SHISA9: variants seen among roughly 807,000 people sequenced by gnomAD.
SHISA9 encodes shisa family member 9.
In SHISA9, 13 loss-of-function variants were observed where a neutral mutation model predicts 38.0. That is an observed-to-expected ratio of 0.34 (90% CI 0.22 to 0.54). The LOEUF (loss-of-function observed/expected upper bound fraction) is 0.54, where lower values mean the gene tolerates loss of function less well. Among genes scored for constraint, SHISA9 ranks in the 20% least tolerant of loss-of-function variants. The probability of loss-of-function intolerance (pLI) is 0.91; values close to 1 mark genes in which losing one functional copy is unlikely to be tolerated. For missense variants in SHISA9, 538 were observed against 575.8 expected (o/e 0.93, Z 0.67); for synonymous variants, 275 against 242.0 (o/e 1.14, Z -1.27).
chr16:12,985,633 T>C (rs942269285), intron 2 of SHISA9, among the ~76,000 whole-genome samples: 2 of 152,222 alleles, frequency 1.3e-5, no homozygotes, highest in Non-Finnish European at 2.9e-5. Flanking sequence ...CATGCTAAGA[T>C]GTCATCATTT....
At chr16:13,462,172 G>C in the SHISA9 span, among the ~76,000 whole-genome samples, 1 of 151,894 alleles carries the variant, frequency 6.6e-6, no homozygotes, top group Non-Finnish European at 1.5e-5. Flanking sequence ...TCAAGAGCCT[G>C]AGGTGGGAGG....
At chr16:13,166,507 C>T (rs945490543) in intron 2 of SHISA9, among the ~76,000 whole-genome samples, 1 of 152,218 alleles carries the variant, frequency 6.6e-6, no homozygotes, top group Non-Finnish European at 1.5e-5. Context: ...TCTCTCTATT[C>T]CCTCTGCACC....
the SHISA9 span, among the ~76,000 whole-genome samples, chr16:13,524,514 G>A: frequency 2.6e-4 from 40 of 152,286 alleles, no homozygotes; most frequent in South Asian, 7.9e-3. Context: ...AGATTAATTA[G>A]TTCAGTGTAG....
the SHISA9 span, among the ~76,000 whole-genome samples, chr16:13,425,779 C>G: frequency 6.6e-6 from 1 of 152,212 alleles, no homozygotes; most frequent in African/African-American, 2.4e-5. Context: ...ATGGATTTTG[C>G]ACTACCTTGG....
chr16:13,135,194 A>T (rs2050338513), intron 2 of SHISA9, among the ~76,000 whole-genome samples: 1 of 152,232 alleles, frequency 6.6e-6, no homozygotes, highest in South Asian at 2.1e-4. Context: ...ACAGGATATC[A>T]TGATCAGATC....
chr16:13,157,174 A>G (rs759995348), intron 2 of SHISA9, among the ~76,000 whole-genome samples: 1 of 152,004 alleles, frequency 6.6e-6, no homozygotes, highest in Non-Finnish European at 1.5e-5. Flanking sequence ...CCATCCATCC[A>G]TCCATCCATC....
At chr16:13,262,439 C>T in the SHISA9 span, among the ~76,000 whole-genome samples, 2 of 152,194 alleles carry the variant, frequency 1.3e-5, no homozygotes, top group Non-Finnish European at 2.9e-5. Context: ...GCTTTCGCTG[C>T]ACTCTGTCTA....
chr16:13,301,600 G>A, the SHISA9 span, among the ~76,000 whole-genome samples: 73 of 152,248 alleles, frequency 4.8e-4, no homozygotes, highest in Non-Finnish European at 7.1e-4. Context: ...AAGCACCTGT[G>A]GTTTTATAGA....
At chr16:13,037,052 G>T (rs2073076165) in intron 2 of SHISA9, among the ~76,000 whole-genome samples, 1 of 145,268 alleles carries the variant, frequency 6.9e-6, no homozygotes, top group African/African-American at 2.7e-5. Context: ...GGAAAGCAGG[G>T]AATGATCACA....
intron 2 of SHISA9, among the ~76,000 whole-genome samples, chr16:13,112,174 G>T (rs2073985209): frequency 6.6e-6 from 1 of 152,244 alleles, no homozygotes; most frequent in Middle Eastern, 3.4e-3. Flanking sequence ...TCAGAAAAAG[G>T]CCTGAGGACT....
intron 2 of SHISA9, among the ~76,000 whole-genome samples, chr16:13,029,343 C>T (rs553836633): frequency 3.2e-4 from 48 of 149,946 alleles, no homozygotes; most frequent in African/African-American, 8.4e-4. Context: ...CGGTGGCTTA[C>T]GCCTGTAATC....
intron 2 of SHISA9, among the ~76,000 whole-genome samples, chr16:13,175,266 G>A (rs1435693979): frequency 1.3e-5 from 2 of 152,166 alleles, no homozygotes; most frequent in Non-Finnish European, 2.9e-5. Context: ...GCACATGCCT[G>A]TGGTCCCAGC....
At chr16:13,284,038 G>A in the SHISA9 span, among the ~76,000 whole-genome samples, 1 of 152,120 alleles carries the variant, frequency 6.6e-6, no homozygotes, top group Non-Finnish European at 1.5e-5. Flanking sequence ...TCCTTTTGAT[G>A]CCTTCATTAA....
chr16:13,074,631 C>G (rs1173548788), intron 2 of SHISA9, among the ~76,000 whole-genome samples: 1 of 151,490 alleles, frequency 6.6e-6, no homozygotes, highest in Non-Finnish European at 1.5e-5. Context: ...ATCATCATTA[C>G]TATTATTTTT....
the SHISA9 span, among the ~76,000 whole-genome samples, chr16:13,270,844 G>T: frequency 6.6e-6 from 1 of 152,154 alleles, no homozygotes; most frequent in African/African-American, 2.4e-5. Context: ...AGTCATAAAA[G>T]TAGACTCTGA....
the SHISA9 span, among the ~76,000 whole-genome samples, chr16:13,336,773 T>C: frequency 6.6e-6 from 1 of 152,190 alleles, no homozygotes. Flanking sequence ...CATTGCTTTG[T>C]CCATTCTAGA....
the SHISA9 span, among the ~76,000 whole-genome samples, chr16:13,248,481 T>C: frequency 6.6e-6 from 1 of 152,134 alleles, no homozygotes. Context: ...CAGATAACCT[T>C]GGATTTGAGT....
At chr16:13,309,783 A>G in the SHISA9 span, among the ~76,000 whole-genome samples, 1 of 152,190 alleles carries the variant, frequency 6.6e-6, no homozygotes, top group African/African-American at 2.4e-5. Flanking sequence ...TCATGACCAC[A>G]CTCTTGGGAA....
chr16:12,984,566 T>G (rs1355486800), intron 2 of SHISA9, among the ~76,000 whole-genome samples: 1 of 152,198 alleles, frequency 6.6e-6, no homozygotes, highest in Non-Finnish European at 1.5e-5. Context: ...AAGTGGTTCT[T>G]GAGGTGATCT....
Sources: allele counts gnomAD v4.1 joint callset (sites outside exome capture counted in the v4.1 genomes callset), GRCh38; gene constraint gnomAD v4.1.1; transcripts MANE v1.5; gene names NCBI Gene and HGNC (gene_info 2026-07-23, HGNC 2026-07-21).